The following ATXN7L1 variants were observed in gnomAD, a reference collection of about 807,000 sequenced individuals.
ATXN7L1 encodes the protein ataxin-7-like protein 1.
In ATXN7L1, 15 loss-of-function variants were observed where a neutral mutation model predicts 70.8. The ratio of observed to expected loss-of-function variants is 0.21; its 90% CI spans 0.14 to 0.33. The LOEUF (loss-of-function observed/expected upper bound fraction) is 0.33, where lower values mean the gene tolerates loss of function less well. ATXN7L1 is among the 10% of genes least tolerant of loss of function. The pLI is 1.00. For synonymous variants in ATXN7L1, 440 were observed against 445.1 expected, an observed-to-expected ratio of 0.99 and a Z score of 0.14; for missense variants, 975 against 1,097.1, an observed-to-expected ratio of 0.89 and a Z score of 1.57.
At chr7:105,645,513 T>C (rs1441890233) in intron 4 of ATXN7L1, among the ~76,000 whole-genome samples, 1 of 144,988 alleles carries the variant, frequency 6.9e-6, no homozygotes, top group Non-Finnish European at 1.5e-5. Flanking sequence ...AATACAGAAA[T>C]TGGCCACACG....
Position 105,692,424 on chromosome 7 carries a change from TCCTC to T in ATXN7L1, c.356-27140_356-27137del, listed in dbSNP as rs1554431695. 6.7e-3 allele frequency among the ~76,000 whole-genome samples: 592 copies of T among 88,110 alleles called. 11 individuals are homozygous for T. Among genetic ancestry groups the T allele is most frequent in the South Asian group, 8.1e-3 (20 of 2,458 alleles). The allele number at this position is 88,110 out of a possible 152,430, so 57.8% of individuals were successfully genotyped here. A position where few individuals can be genotyped will look rare whatever the true frequency, so the allele number is the denominator to read the frequency against. On this transcript the variant is annotated intron_variant, in intron 3 of 11. Transcript: ENST00000419735. ...TTCCTTCCTTCCTTCCTTCCTTCCT[TCCTC>T]CCTCCCTCCCTCCCTCCCTTCCTTC...
chr7:105,805,984 A>C, intron 2 of ATXN7L1, among the ~76,000 whole-genome samples: 1 of 152,140 alleles, frequency 6.6e-6, no homozygotes, highest in East Asian at 1.9e-4. Context: ...AGCTTGCTGG[A>C]ACAAGGCTGG....
intron 2 of ATXN7L1, among the ~76,000 whole-genome samples, chr7:105,872,138 G>A (rs1344194052): frequency 6.6e-6 from 1 of 152,014 alleles, no homozygotes; most frequent in Non-Finnish European, 1.5e-5. Context: ...GACTACAGGT[G>A]CGTGCCACCA....
chr7:105,610,583 T>G lies in ATXN7L1; in HGVS notation c.2493A>C (p.Leu831=), dbSNP rs528530076. ...SSRQVGKNSS[L]ALSQSSPSSI... Reference sequence around the variant, plus strand: ...TTGAAGGACTGGATTGTGACAAAGCTAGGCTGCTATTTTTCCCAACCTGAA... The same window carrying G: ...TTGAAGGACTGGATTGTGACAAAGCGAGGCTGCTATTTTTCCCAACCTGAA... The change falls in exon 11 of 12, where the codon CTA becomes CTC. Residue 831 remains leucine (L), a synonymous_variant. Coordinates refer to ENST00000419735, the MANE Select transcript of ATXN7L1 (RefSeq NM_020725.2). 6.4e-7 allele frequency: 1 copy of G among 1,551,392 alleles called. No homozygotes were observed. Among genetic ancestry groups the G allele is most frequent in the South Asian group, 1.2e-5 (1 of 84,052 alleles).
chr7:105,778,672 C>T (rs1464038040), intron 3 of ATXN7L1, among the ~76,000 whole-genome samples: 1 of 152,146 alleles, frequency 6.6e-6, no homozygotes, highest in Non-Finnish European at 1.5e-5. Context: ...GAGAATTTCA[C>T]TGAATGGAGG....
chr7:105,859,044 C>T (rs1306040073), intron 2 of ATXN7L1, among the ~76,000 whole-genome samples: 2 of 151,466 alleles, frequency 1.3e-5, no homozygotes, highest in Non-Finnish European at 2.9e-5. Context: ...CAGCTATAAG[C>T]TTTTGGGGGT....
chr7:105,834,020 G>C (rs1158363946), intron 2 of ATXN7L1, among the ~76,000 whole-genome samples: 1 of 152,160 alleles, frequency 6.6e-6, no homozygotes, highest in African/African-American at 2.4e-5. Flanking sequence ...ATTTTCCCAT[G>C]TCATCATTGT....
intron 2 of ATXN7L1, among the ~76,000 whole-genome samples, chr7:105,846,005 A>G (rs1442430577): frequency 1.3e-5 from 2 of 152,218 alleles, no homozygotes; most frequent in Non-Finnish European, 2.9e-5. Flanking sequence ...TCTTAGATAT[A>G]ACACCAAAAG....
At chr7:105,790,663 ACTATCTATCTACTAT>A (rs1805063824) in intron 2 of ATXN7L1, among the ~76,000 whole-genome samples, 1 of 141,062 alleles carries the variant, frequency 7.1e-6, no homozygotes. Flanking sequence ...TCATCTATCT[ACTATCTATCTACTAT>A]CTATCTATCT....
chr7:105,675,556 C>G (rs894136960), intron 3 of ATXN7L1, among the ~76,000 whole-genome samples: 1 of 151,548 alleles, frequency 6.6e-6, no homozygotes, highest in African/African-American at 2.4e-5. Context: ...ACCTGGGAGG[C>G]AGAGGTTGCA....
intron 3 of ATXN7L1, among the ~76,000 whole-genome samples, chr7:105,719,845 C>G (rs752088621): frequency 1.3e-4 from 20 of 152,186 alleles, no homozygotes; most frequent in Non-Finnish European, 2.5e-4. Flanking sequence ...TGCTTTTCAG[C>G]AAGCGCAGGG....
intron 7 of ATXN7L1, among the ~76,000 whole-genome samples, chr7:105,637,893 G>A (rs1331322455): frequency 1.3e-5 from 2 of 152,172 alleles, no homozygotes; most frequent in East Asian, 3.9e-4. Context: ...CTAGCATGGT[G>A]CAGTGAGCGT....
chr7:105,851,329 C>T (rs6948917), intron 2 of ATXN7L1, among the ~76,000 whole-genome samples: 25,930 of 152,106 alleles, frequency 0.17, 2,583 homozygotes, highest in East Asian at 0.51. Flanking sequence ...TGCAAAGCTA[C>T]GCCTTTCCCC....
chr7:105,691,726 C>T (rs886818399), intron 3 of ATXN7L1: 2 of 149,798 alleles, frequency 1.3e-5, no homozygotes. Context: ...AAAATCGCAA[C>T]GACTAAACAA....
At chr7:105,613,461 C>T (rs1238743642) in intron 10 of ATXN7L1, 2 of 1,058,462 alleles carry the variant, frequency 1.9e-6, no homozygotes, top group Non-Finnish European at 2.3e-6. Context: ...TCCAACAGAT[C>T]AGATCAAACC....
chr7:105,766,624 G>A (rs549068354), intron 3 of ATXN7L1, among the ~76,000 whole-genome samples: 4 of 152,262 alleles, frequency 2.6e-5, no homozygotes, highest in Middle Eastern at 6.8e-3. Context: ...TTACAACCCC[G>A]AAGCCAGGGA....
intron 2 of ATXN7L1, among the ~76,000 whole-genome samples, chr7:105,862,405 C>G (rs1816774154): frequency 6.6e-6 from 1 of 152,156 alleles, no homozygotes; most frequent in South Asian, 2.1e-4. Flanking sequence ...TACTACTGCA[C>G]TCCAGCCTGG....
chr7:105,855,200 G>A (rs760130011), intron 2 of ATXN7L1, among the ~76,000 whole-genome samples: 4 of 152,122 alleles, frequency 2.6e-5, no homozygotes, highest in South Asian at 2.1e-4. Flanking sequence ...TGATCCGTCC[G>A]CCTCGGCCTC....
In ATXN7L1 at chr7:105,665,295, G is replaced by A. The variant is rs1802444415; in HGVS notation, c.356-7C>T. The A allele has an allele frequency of 1.9e-6, 3 of 1,547,008 alleles. No homozygotes were observed. ...ATTGAACCGTGTCTTCTCTCTACAG[G>A]GGCAGAAAGTAGAGAACTCAGCACA... On this transcript the variant is annotated splice_polypyrimidine_tract_variant and splice_region_variant and intron_variant, in intron 3 of 11. Transcript: ENST00000419735.
Sources: gnomAD v4.1 joint callset for allele counts (sites outside exome capture counted in the v4.1 genomes callset) on GRCh38, gnomAD v4.1.1 for gene constraint, MANE v1.5 for transcripts, NCBI Gene and HGNC (gene_info 2026-07-23, HGNC 2026-07-21) for gene names.